Variants in ZC4H2 observed in about 807,000 individuals in gnomAD.
ZC4H2 encodes zinc finger C4H2-type containing.
For missense variants in ZC4H2, 137 were observed against 173.9 expected, an observed-to-expected ratio of 0.79 and a Z score of 1.19; for synonymous variants, 84 against 66.3, an observed-to-expected ratio of 1.27 and a Z score of -1.30.
intron 1 of ZC4H2, among the ~76,000 whole-genome samples, chrX:64,926,736 C>T (rs1205096303): frequency 8.9e-6 from 1 of 111,957 alleles, no homozygotes; most frequent in Non-Finnish European, 1.9e-5. Flanking sequence ...CCTTGAAGAA[C>T]ATGGGTTTGA....
rs1929834693 is a variant in ZC4H2, at chrX:64,933,201, C to T, written c.54-11213G>A. Among the ~76,000 whole-genome samples, 4 of 111,623 alleles carry T rather than the reference C, an allele frequency of 3.6e-5. No homozygotes were observed. The South Asian group carries it at 1.5e-3, about 42-fold the overall frequency. ...TTTCCCTAAGTGTGTCTTTCATTTC[C>T]AGTAGCTCTCATTGTTTTTTCCTTT... is the stretch of plus-strand genomic sequence containing the variant. On this transcript the variant is annotated intron_variant, in intron 1 of 4. Transcript: ENST00000374839.
At chrX:65,011,366 T>C (rs1482112202) in intron 1 of ZC4H2, among the ~76,000 whole-genome samples, 1 of 111,396 alleles carries the variant, frequency 9.0e-6, no homozygotes, top group Non-Finnish European at 1.9e-5. Flanking sequence ...CTTTGCTCAA[T>C]CCATTTTCCT....
At chrX:64,968,670 G>A (rs748903072) in intron 1 of ZC4H2, among the ~76,000 whole-genome samples, 2 of 111,202 alleles carry the variant, frequency 1.8e-5, no homozygotes, top group African/African-American at 3.3e-5. Flanking sequence ...AGTATGACTC[G>A]TGAACCACAG....
chrX:64,953,628 T>C (rs1450467061), intron 1 of ZC4H2, among the ~76,000 whole-genome samples: 1 of 111,867 alleles, frequency 8.9e-6, no homozygotes, highest in Middle Eastern at 4.6e-3. Context: ...TGAGATAGCA[T>C]CTCACACCAG....
In ZC4H2 at chrX:64,987,541, T is replaced by G. The variant is rs1476132371; in HGVS notation, c.-272+47088A>C. Among the ~76,000 whole-genome samples the G allele has an allele frequency of 2.8e-5, 3 of 107,406 alleles. No individual in the cohort carries two copies. In the East Asian group the frequency reaches 8.8e-4, roughly 31 times the overall value. The allele number at this position is 107,406 out of a possible 115,157, so 93.3% of individuals were successfully genotyped here. A position where few individuals can be genotyped will look rare whatever the true frequency, so the allele number is the denominator to read the frequency against. On this transcript the variant is annotated intron_variant, in intron 1 of 4. Transcript: ENST00000337990. Reference sequence around the variant, plus strand: ...GATGGTGGAGAAAGTGAGTATCTGTTAGGAAAAAAAAATTTTACTCAAAAG... The same window carrying G: ...GATGGTGGAGAAAGTGAGTATCTGTGAGGAAAAAAAAATTTTACTCAAAAG...
At chrX:64,977,274 C>T (rs145898980), upstream of ZC4H2, among the ~76,000 whole-genome samples, 6,615 of 110,480 alleles carry the variant, frequency 0.06, 202 homozygotes, top group Non-Finnish European at 0.096. Flanking sequence ...GGAGAATGGG[C>T]TCTCCAGGTG....
chrX:65,007,244 C>A (rs926020791), intron 1 of ZC4H2, among the ~76,000 whole-genome samples: 6 of 112,071 alleles, frequency 5.4e-5, no homozygotes, highest in Non-Finnish European at 1.1e-4. Flanking sequence ...AAGGGCCATT[C>A]TTTGTATGCC....
intron 1 of ZC4H2, among the ~76,000 whole-genome samples, chrX:64,949,532 C>A (rs913394983): frequency 4.5e-5 from 5 of 111,525 alleles, no homozygotes; most frequent in Middle Eastern, 4.6e-3. Context: ...CCCTTAAGCA[C>A]CCAGAGGAAA....
At chrX:65,019,444 CCTGA>C (rs1932820242) in intron 1 of ZC4H2, among the ~76,000 whole-genome samples, 1 of 111,925 alleles carries the variant, frequency 8.9e-6, no homozygotes, top group African/African-American at 3.2e-5. Context: ...AGCAGAGGGG[CCTGA>C]CTGTTAGAAG....
intron 1 of ZC4H2, among the ~76,000 whole-genome samples, chrX:64,999,039 G>GTTTTTTTTTTTTTTTT (rs58094683): frequency 8.4e-5 from 1 of 11,841 alleles, no homozygotes; most frequent in African/African-American, 2.8e-4. Context: ...TGGATTATGT[G>GTTTTTTTTTTTTTTTT]TTTTTTTTTT....
chrX:64,935,229 G>A (rs903014942), intron 1 of ZC4H2, among the ~76,000 whole-genome samples: 1 of 111,837 alleles, frequency 8.9e-6, no homozygotes, highest in South Asian at 3.7e-4. Flanking sequence ...AAAATGGGTA[G>A]AGCCCATGGC....
chrX:64,951,351 T>C (rs1930819502), intron 1 of ZC4H2, among the ~76,000 whole-genome samples: 2 of 111,817 alleles, frequency 1.8e-5, no homozygotes, highest in African/African-American at 3.3e-5. Flanking sequence ...GTATTTCTAG[T>C]TCTAGATCCC....
chrX:64,967,274 T>A (rs1164435002), intron 1 of ZC4H2, among the ~76,000 whole-genome samples: 1 of 111,584 alleles, frequency 9.0e-6, no homozygotes. Flanking sequence ...ATTGAGAAGT[T>A]TGAGCTAAGA....
Position 64,962,718 on chromosome X carries a change from AC to A in ZC4H2, c.53+13606del, listed in dbSNP as rs757444788. Among the ~76,000 whole-genome samples, 146 of 112,069 alleles carry A rather than the reference AC, an allele frequency of 1.3e-3. 1 individual carries two copies. The highest frequency in any genetic ancestry group is 4.6e-3 in the Middle Eastern group (1 of 216). The stretch of plus-strand genomic sequence containing the variant: ...AAGTTACAAGATGCAAAATCAACAT[AC>A]AAAGTCAGTTGTGTTTCTGTACACT... On this transcript the variant is annotated intron_variant, in intron 1 of 4. Coordinates refer to ENST00000374839, the MANE Select transcript of ZC4H2 (RefSeq NM_018684.4).
At chrX:64,958,976 C>T (rs1931274062) in intron 1 of ZC4H2, among the ~76,000 whole-genome samples, 1 of 111,325 alleles carries the variant, frequency 9.0e-6, no homozygotes, top group Non-Finnish European at 1.9e-5. Flanking sequence ...TGATTTTCAG[C>T]TGGGCATGAA....
intron 1 of ZC4H2, among the ~76,000 whole-genome samples, chrX:65,032,800 C>T (rs771232935): frequency 6.4e-5 from 6 of 94,234 alleles, no homozygotes; most frequent in South Asian, 9.7e-4. Context: ...TTTTGGGGGA[C>T]GGAGTCTTGT....
chrX:64,919,388 T>C (rs1214585990), intron 3 of ZC4H2, 184 bp from the exon 4 acceptor site: 2 of 443,465 alleles, frequency 4.5e-6, no homozygotes, highest in Admixed American at 8.3e-5. Flanking sequence ...AGAAGGGTAA[T>C]CCTCTTTGTC....
At chrX:64,970,295 C>T (rs1234951348) in intron 1 of ZC4H2, among the ~76,000 whole-genome samples, 4 of 111,944 alleles carry the variant, frequency 3.6e-5, no homozygotes, top group African/African-American at 6.5e-5. Context: ...AATGCCAACA[C>T]CTTTTCAGTC....
At chrX:64,966,442 C>G (rs1931596201) in intron 1 of ZC4H2, among the ~76,000 whole-genome samples, 1 of 112,125 alleles carries the variant, frequency 8.9e-6, no homozygotes, top group Admixed American at 9.4e-5. Flanking sequence ...AAATCTCACT[C>G]CTGAGAATCT....
Sources: allele counts gnomAD v4.1 joint callset (sites outside exome capture counted in the v4.1 genomes callset), GRCh38; gene constraint gnomAD v4.1.1; transcripts MANE v1.5; gene names NCBI Gene and HGNC (gene_info 2026-07-23, HGNC 2026-07-21).